Variants in PCDHA7 observed in about 807,000 individuals in gnomAD.
PCDHA7 encodes the protein protocadherin alpha 7.
Under a neutral mutation model 57.2 loss-of-function variants are expected in PCDHA7, and 37 were observed. The ratio of observed to expected loss-of-function variants is 0.65; its 90% CI spans 0.50 to 0.85. PCDHA7 has a LOEUF of 0.85. Ranked by LOEUF, PCDHA7 falls within the 40% of genes least tolerant of loss-of-function variation. The pLI is 0.00. For missense variants in PCDHA7, 1,188 were observed against 1,241.8 expected (o/e 0.96, Z 0.65); for synonymous variants, 553 against 558.8 (o/e 0.99, Z 0.15).
Position 140,843,095 on chromosome 5 carries a change from G to GC in PCDHA7, c.2355+6358dup. On this transcript the variant is annotated intron_variant, in intron 1 of 3. Coordinates refer to ENST00000525929, the MANE Select transcript of PCDHA7 (RefSeq NM_018910.3). ...GTCTGTGGGCGCGGGCCACGTGGTA[G>GC]CGAAGGTGCGCGCAGTGGACGCCGA... is the stretch of plus-strand genomic sequence containing the variant. The GC allele has an allele frequency of 4.4e-6, 7 of 1,595,672 alleles. 2 individuals are homozygous for GC. The highest frequency in any genetic ancestry group is 6.0e-6 in the Non-Finnish European group (7 of 1,165,442).
At position 141,010,950 on chromosome 5, in the gene PCDHA7, A is replaced by G. The variant is rs1278386004; in HGVS notation, c.*1013A>G. The G allele has an allele frequency of 6.5e-6, 1 of 153,760 alleles. No homozygotes were observed. Among genetic ancestry groups the G allele is most frequent in the Admixed American group, 6.5e-5 (1 of 15,284 alleles). 9.5% of individuals were successfully genotyped at this position (153,760 alleles called of 1,614,324 possible). A position where few individuals can be genotyped will look rare whatever the true frequency, so the allele number is the denominator to read the frequency against. ...TCAGTCTACAGCCATTTAAATGATC[A>G]TTGCTGCTACAGAAGTGCTTTAAGA... is the stretch of plus-strand genomic sequence containing the variant. On this transcript the variant is annotated 3_prime_UTR_variant, in exon 4 of 4. Coordinates refer to ENST00000525929, the MANE Select transcript of PCDHA7 (RefSeq NM_018910.3).
intron 1 of PCDHA7, chr5:140,853,187 G>A: frequency 1.0e-6 from 1 of 979,936 alleles, no homozygotes; most frequent in Non-Finnish European, 1.2e-6. Flanking sequence ...CCTAAAATGT[G>A]TTCTTTATTA....
chr5:140,836,295 G>A lies in PCDHA7; in HGVS notation c.1912G>A (p.Asp638Asn). The change falls in exon 1 of 4, where the codon GAT becomes AAT. Residue 638 changes from aspartate to asparagine, a missense_variant. Around this residue, in one of 3 missense-constraint regions of PCDHA7, gnomAD observed 892 missense variants for 788.5 expected, o/e 1.13. Coordinates refer to ENST00000525929, the MANE Select transcript of PCDHA7 (RefSeq NM_018910.3). Reference protein sequence around the residue: ...TGEISTTRALDETDAPRHRLL... With the variant: ...TGEISTTRALNETDAPRHRLL... Reference sequence around the variant, plus strand: ...TGAGATCAGCACGACACGAGCCCTAGATGAGACGGACGCACCGCGCCACCG... The same window carrying A: ...TGAGATCAGCACGACACGAGCCCTAAATGAGACGGACGCACCGCGCCACCG... 3 of 1,613,804 alleles carry A rather than the reference G, an allele frequency of 1.9e-6. No homozygotes were observed. Among genetic ancestry groups the A allele is most frequent in the South Asian group, 2.2e-5 (2 of 91,068 alleles).
chr5:140,939,787 C>G (rs1486449192), intron 1 of PCDHA7, among the ~76,000 whole-genome samples: 2 of 152,180 alleles, frequency 1.3e-5, no homozygotes, highest in African/African-American at 2.4e-5. Flanking sequence ...TGGTCAATTT[C>G]TATAAATGTT....
intron 1 of PCDHA7, among the ~76,000 whole-genome samples, chr5:140,921,890 G>A (rs1167996919): frequency 1.3e-5 from 2 of 151,710 alleles, no homozygotes; most frequent in African/African-American, 2.4e-5. Flanking sequence ...ATTTTAGAAA[G>A]GAGGATAAAT....
intron 1 of PCDHA7, among the ~76,000 whole-genome samples, chr5:140,947,190 C>T (rs1292127049): frequency 6.6e-6 from 1 of 151,120 alleles, no homozygotes; most frequent in Non-Finnish European, 1.5e-5. Flanking sequence ...TGGTATACTA[C>T]ACAGCCTTAA....
intron 1 of PCDHA7, among the ~76,000 whole-genome samples, chr5:140,932,619 A>T (rs535899807): frequency 5.3e-5 from 8 of 152,056 alleles, no homozygotes; most frequent in African/African-American, 1.9e-4. Context: ...TGAAGCTGAT[A>T]ACCACACTAA....
intron 1 of PCDHA7, chr5:140,853,593 G>C (rs2042798259): frequency 1.0e-6 from 1 of 986,850 alleles, no homozygotes; most frequent in Admixed American, 6.3e-5. Flanking sequence ...TAGACACTTT[G>C]AGAGCAAAGG....
chr5:140,960,299 A>C (rs246005), intron 1 of PCDHA7, among the ~76,000 whole-genome samples: 85,531 of 151,846 alleles, frequency 0.56, 24,685 homozygotes, highest in African/African-American at 0.69. Flanking sequence ...TTTCTTCATC[A>C]ATACCAACCT....
intron 1 of PCDHA7, chr5:140,852,590 T>A (rs2042399836): frequency 1.1e-6 from 1 of 893,664 alleles, no homozygotes; most frequent in African/African-American, 1.8e-5. Context: ...TTATTTTTTT[T>A]TTTTGTCATT....
At chr5:140,888,277 C>G (rs923275306) in intron 1 of PCDHA7, among the ~76,000 whole-genome samples, 1 of 151,972 alleles carries the variant, frequency 6.6e-6, no homozygotes, top group Non-Finnish European at 1.5e-5. Context: ...ACAGTTTTGT[C>G]CCCTCTACCC....
At chr5:140,890,781 A>G (rs2153431855) in intron 1 of PCDHA7, among the ~76,000 whole-genome samples, 1 of 152,280 alleles carries the variant, frequency 6.6e-6, no homozygotes, top group African/African-American at 2.4e-5. Context: ...ACCCCATAAG[A>G]TATTAGTATT....
chr5:140,869,997 T>C (rs782075585), intron 1 of PCDHA7: 23 of 1,613,172 alleles, frequency 1.4e-5, no homozygotes, highest in Non-Finnish European at 2.5e-6. Context: ...ATCAAAATAA[T>C]GGAGAAGTGA....
At chr5:140,994,325 A>G (rs879964488) in intron 3 of PCDHA7, among the ~76,000 whole-genome samples, 8 of 152,190 alleles carry the variant, frequency 5.3e-5, no homozygotes, top group African/African-American at 7.2e-5. Flanking sequence ...ACTCTCAGCA[A>G]CCATGAACAG....
intron 1 of PCDHA7, chr5:140,858,909 C>T (rs2150442831): frequency 5.4e-6 from 1 of 185,188 alleles, no homozygotes; most frequent in South Asian, 1.1e-4. Flanking sequence ...CGTACCACAG[C>T]TTATACTGCC....
chr5:140,838,287 T>TTTTC (rs200382821), intron 1 of PCDHA7, among the ~76,000 whole-genome samples: 30 of 150,176 alleles, frequency 2.0e-4, no homozygotes, highest in African/African-American at 7.4e-4. Context: ...CTAATTTTTT[T>TTTTC]TTTTTTTTGT....
At chr5:140,976,007 A>G (rs546477565) in intron 1 of PCDHA7, among the ~76,000 whole-genome samples, 55 of 152,354 alleles carry the variant, frequency 3.6e-4, no homozygotes, top group African/African-American at 1.3e-3. Flanking sequence ...TAAGTATTAA[A>G]GAACTAAATA....
intron 1 of PCDHA7, among the ~76,000 whole-genome samples, chr5:140,940,028 G>C (rs782276273): frequency 3.2e-4 from 48 of 152,048 alleles, no homozygotes; most frequent in Non-Finnish European, 5.4e-4. Context: ...ATGTTTTAAG[G>C]CTATTTTATT....
chr5:140,940,510 G>T (rs1477590604), intron 1 of PCDHA7, among the ~76,000 whole-genome samples: 1 of 151,778 alleles, frequency 6.6e-6, no homozygotes, highest in Non-Finnish European at 1.5e-5. Context: ...TCGCTCAGGC[G>T]TGATCATAGC....
Sources: allele counts gnomAD v4.1 joint callset (sites outside exome capture counted in the v4.1 genomes callset), GRCh38; gene constraint gnomAD v4.1.1; regional missense constraint gnomAD v4.1.1; transcripts MANE v1.5; gene names NCBI Gene and HGNC (gene_info 2026-07-23, HGNC 2026-07-21).